CCDC148: variants seen among roughly 807,000 people sequenced by gnomAD.
CCDC148 encodes coiled-coil domain containing 148, also known as coiled-coil domain-containing protein 148.
In CCDC148, 89 loss-of-function variants were observed where a neutral mutation model predicts 85.7. That is an observed-to-expected ratio of 1.04 (90% CI 0.87 to 1.24). The LOEUF (loss-of-function observed/expected upper bound fraction) is 1.24. CCDC148 is among the 50% of genes most tolerant of loss of function. The pLI is 0.00. For missense variants in CCDC148, 692 were observed against 671.7 expected (o/e 1.03, Z -0.33); for synonymous variants, 230 against 213.9 (o/e 1.08, Z -0.66).
In CCDC148 at chr2:158,253,099, C is replaced by T. The variant is rs532268581; in HGVS notation, c.1111-2187G>A. ...TTTACATCTGACTTGGAAGCTCATA[C>T]ATTTCTTAAGCGCGGATGAATTTTT... On this transcript the variant is annotated intron_variant, in intron 9 of 13. Coordinates refer to ENST00000283233, the MANE Select transcript of CCDC148 (RefSeq NM_138803.4). Among the ~76,000 whole-genome samples, 11 of 151,768 alleles carry T rather than the reference C, an allele frequency of 7.2e-5. No individual in the cohort carries two copies. The South Asian group carries it at 1.5e-3, about 20-fold the overall frequency.
chr2:158,326,867 A>AAC (rs761100362), intron 7 of CCDC148, among the ~76,000 whole-genome samples: 3 of 152,154 alleles, frequency 2.0e-5, no homozygotes, highest in Non-Finnish European at 4.4e-5. Context: ...TGAAAAAGCA[A>AAC]ATATATAAAA....
intron 7 of CCDC148, among the ~76,000 whole-genome samples, chr2:158,328,939 A>C (rs7423654): frequency 0.41 from 62,684 of 151,586 alleles, 13,554 homozygotes; most frequent in South Asian, 0.61. Flanking sequence ...AGTAGAATGC[A>C]AAAATTTTCT....
chr2:158,386,062 C>T (rs1376970067), intron 1 of CCDC148, among the ~76,000 whole-genome samples: 1 of 151,890 alleles, frequency 6.6e-6, no homozygotes, highest in Non-Finnish European at 1.5e-5. Context: ...ATGGCTTTTG[C>T]TTGGTTTTAG....
chr2:158,184,363 T>C (rs932261398), intron 11 of CCDC148, among the ~76,000 whole-genome samples: 1 of 152,108 alleles, frequency 6.6e-6, no homozygotes, highest in Admixed American at 6.6e-5. Context: ...TTAGTCAACA[T>C]AGAGTTACTT....
At chr2:158,235,653 CATA>C (rs1308678447) in intron 10 of CCDC148, 4 of 152,224 alleles carry the variant, frequency 2.6e-5, no homozygotes, top group African/African-American at 9.6e-5. Context: ...TGTTTGCTGA[CATA>C]ATGATATTCC....
At chr2:158,418,723 G>A (rs930898812) in intron 1 of CCDC148, among the ~76,000 whole-genome samples, 8 of 146,536 alleles carry the variant, frequency 5.5e-5, no homozygotes, top group Non-Finnish European at 1.1e-4. Flanking sequence ...TTTTTTTTTG[G>A]TTGCTTGTCT....
At chr2:158,272,915 G>T (rs374690330) in intron 9 of CCDC148, among the ~76,000 whole-genome samples, 1 of 152,162 alleles carries the variant, frequency 6.6e-6, no homozygotes, top group African/African-American at 2.4e-5. Flanking sequence ...ATCCCACAAT[G>T]TATACATACA....
chr2:158,175,070 A>C (rs543814772), intron 13 of CCDC148, among the ~76,000 whole-genome samples: 1 of 151,990 alleles, frequency 6.6e-6, no homozygotes, highest in African/African-American at 2.4e-5. Context: ...CTCTCCCAGC[A>C]CTTGTCATGC....
chr2:158,414,311 T>TA (rs1686395314), intron 1 of CCDC148, among the ~76,000 whole-genome samples: 1 of 152,180 alleles, frequency 6.6e-6, no homozygotes, highest in African/African-American at 2.4e-5. Context: ...ACTGTTTTAC[T>TA]AAAAAAGGTT....
intron 11 of CCDC148, among the ~76,000 whole-genome samples, chr2:158,219,742 C>T (rs1256834850): frequency 1.3e-5 from 2 of 152,164 alleles, no homozygotes; most frequent in African/African-American, 2.4e-5. Context: ...ATTGAACTAG[C>T]TCTATCTTAA....
intron 11 of CCDC148, among the ~76,000 whole-genome samples, chr2:158,218,829 G>A (rs915040070): frequency 6.6e-6 from 1 of 152,118 alleles, no homozygotes; most frequent in Non-Finnish European, 1.5e-5. Flanking sequence ...TTCTAACCAC[G>A]AGCCCTGGCT....
intron 1 of CCDC148, among the ~76,000 whole-genome samples, chr2:158,383,012 G>T (rs1574727670): frequency 6.6e-6 from 1 of 151,716 alleles, no homozygotes; most frequent in Middle Eastern, 3.4e-3. Flanking sequence ...AAAAAATGAT[G>T]ACATAGGCTG....
At chr2:158,319,685 C>T (rs1440804203) in intron 7 of CCDC148, among the ~76,000 whole-genome samples, 6 of 152,144 alleles carry the variant, frequency 3.9e-5, no homozygotes, top group African/African-American at 1.4e-4. Context: ...GATAATTTGA[C>T]AGCAAACTGA....
rs148050814 is a variant in CCDC148 at position 158,230,486 on chromosome 2, T to C, written c.1252-9773A>G. ...AGCATTGGATGGGGAAGACCTCGCA[T>C]ATGTTGAGAACTGGGAATAGGCCAG... On this transcript the variant is annotated intron_variant, in intron 10 of 13. Transcript: ENST00000283233. 7.0e-4 allele frequency among the ~76,000 whole-genome samples: 106 copies of C among 152,216 alleles called. 3 individuals carry two copies. The East Asian group carries it at 0.019, about 27-fold the overall frequency.
At chr2:158,206,200 G>A (rs914947746) in intron 11 of CCDC148, among the ~76,000 whole-genome samples, 1 of 152,142 alleles carries the variant, frequency 6.6e-6, no homozygotes, top group African/African-American at 2.4e-5. Flanking sequence ...GTAACAATGA[G>A]ACTCATCGCT....
At chr2:158,184,347 GTTAAA>G (rs1685053466) in intron 11 of CCDC148, among the ~76,000 whole-genome samples, 1 of 152,050 alleles carries the variant, frequency 6.6e-6, no homozygotes, top group Non-Finnish European at 1.5e-5. Flanking sequence ...TGATTAATTA[GTTAAA>G]TTAGTCAACA....
At chr2:158,384,019 T>C (rs1422073575) in intron 1 of CCDC148, among the ~76,000 whole-genome samples, 1 of 152,184 alleles carries the variant, frequency 6.6e-6, no homozygotes, top group Non-Finnish European at 1.5e-5. Flanking sequence ...TTTTGTAGCA[T>C]GTCCTTCAGT....
chr2:158,245,554 T>C (rs1688535750), intron 10 of CCDC148, among the ~76,000 whole-genome samples: 1 of 152,186 alleles, frequency 6.6e-6, no homozygotes, highest in African/African-American at 2.4e-5. Context: ...TCTTTTTATG[T>C]GAGTCTTGCT....
chr2:158,229,330 T>C lies in CCDC148; in HGVS notation c.1252-8617A>G, dbSNP rs184750908. Among the ~76,000 whole-genome samples, 18 of 152,288 alleles carry C rather than the reference T, an allele frequency of 1.2e-4. No homozygotes were observed. In the East Asian group the frequency reaches 3.5e-3, roughly 29 times the overall value. On this transcript the variant is annotated intron_variant, in intron 10 of 13. Coordinates refer to ENST00000283233, the MANE Select transcript of CCDC148 (RefSeq NM_138803.4). ...CTCATCACAAGGCTTTGCTAATTAATATACTTTTCTTCTGTCCCACTAGGC... is the reference window on the plus strand; with the variant it reads ...CTCATCACAAGGCTTTGCTAATTAACATACTTTTCTTCTGTCCCACTAGGC...
Sources: allele counts gnomAD v4.1 joint callset (sites outside exome capture counted in the v4.1 genomes callset), GRCh38; gene constraint gnomAD v4.1.1; transcripts MANE v1.5; gene names NCBI Gene and HGNC (gene_info 2026-07-23, HGNC 2026-07-21).